Variants in DENND5A observed in about 807,000 individuals in gnomAD.
DENND5A encodes the protein DENN domain-containing protein 5A.
DENND5A carries 64 observed loss-of-function variants against 140.3 expected under a neutral mutation model. The observed-to-expected ratio is 0.46, with a 90% CI of 0.37 to 0.56. The LOEUF (loss-of-function observed/expected upper bound fraction) is 0.56. Ranked by LOEUF, DENND5A falls within the 20% of genes least tolerant of loss-of-function variation. The pLI is 0.00. For synonymous variants in DENND5A, 605 were observed against 607.7 expected, an observed-to-expected ratio of 1.00 and a Z score of 0.07; for missense variants, 1,292 against 1,593.8, an observed-to-expected ratio of 0.81 and a Z score of 3.22.
At chr11:9,207,676 T>C (rs373895300) in intron 1 of DENND5A, 44 bp from the exon 2 acceptor site, 2 of 1,390,774 alleles carry the variant, frequency 1.4e-6, no homozygotes, top group Non-Finnish European at 2.0e-6. Flanking sequence ...TAAAGCAGTG[T>C]TATTCAAACT....
chr11:9,140,076 GCCT>G, intron 22 of DENND5A: 2 of 1,218,958 alleles, frequency 1.6e-6, no homozygotes, highest in Non-Finnish European at 2.3e-6. Flanking sequence ...GAGCCTCCAA[GCCT>G]CCTCCTCCCC....
chr11:9,234,370 A>G (rs571279101), intron 1 of DENND5A, among the ~76,000 whole-genome samples: 2 of 152,240 alleles, frequency 1.3e-5, no homozygotes, highest in African/African-American at 4.8e-5. Flanking sequence ...CAGACAATTC[A>G]CAATACCAAT....
intron 1 of DENND5A, among the ~76,000 whole-genome samples, chr11:9,232,078 CAG>C (rs1850796135): frequency 6.6e-6 from 1 of 151,662 alleles, no homozygotes; most frequent in Non-Finnish European, 1.5e-5. Context: ...GTGTTAACAG[CAG>C]ACTGTTTAAG....
Position 9,145,012 on chromosome 11 carries a change from G to C in DENND5A, c.3105C>G (p.Ile1035Met). 6.2e-7 allele frequency: 1 copy of C among 1,612,772 alleles called. No homozygotes were observed. Among genetic ancestry groups the C allele is most frequent in the African/African-American group, 1.3e-5 (1 of 74,858 alleles). Residue 1035 changes from isoleucine (I) to methionine (M), a missense_variant, in exon 18 of 23, where the codon ATC becomes ATG. This residue lies in a region of DENND5A where 498 missense variants were observed against 689.7 expected (regional missense o/e 0.72). Coordinates refer to ENST00000328194, the MANE Select transcript of DENND5A (RefSeq NM_015213.4). ...LVEYVMVRNEITGHTYKFPCG... is the reference protein window; with the variant it reads ...LVEYVMVRNEMTGHTYKFPCG... Reference sequence around the variant, plus strand: ...ATACTTACTTGTAGGTATGTCCTGTGATCTCATTCCTGACCATCACATACT... The same window carrying C: ...ATACTTACTTGTAGGTATGTCCTGTCATCTCATTCCTGACCATCACATACT...
intron 1 of DENND5A, among the ~76,000 whole-genome samples, chr11:9,224,336 C>A (rs1010437412): frequency 6.6e-6 from 1 of 152,196 alleles, no homozygotes; most frequent in African/African-American, 2.4e-5. Context: ...ATCACTTTAT[C>A]TTCCTGGGCT....
intron 1 of DENND5A, among the ~76,000 whole-genome samples, chr11:9,232,141 T>A (rs1362902943): frequency 6.6e-6 from 1 of 151,824 alleles, no homozygotes; most frequent in South Asian, 2.1e-4. Flanking sequence ...GGTAAAAAAA[T>A]AAAGCCTTTA....
chr11:9,214,704 C>T (rs943266785), intron 1 of DENND5A, among the ~76,000 whole-genome samples: 3 of 152,098 alleles, frequency 2.0e-5, no homozygotes, highest in African/African-American at 7.2e-5. Context: ...CCCCCCAACC[C>T]CCACCCACAA....
chr11:9,151,905 A>G (rs191587526), intron 13 of DENND5A, among the ~76,000 whole-genome samples: 32 of 152,316 alleles, frequency 2.1e-4, no homozygotes, highest in Non-Finnish European at 3.2e-4. Flanking sequence ...TAGGTTAGAA[A>G]CAGAAAGGAA....
At chr11:9,207,251 C>T (rs953423415) in intron 2 of DENND5A, 27 of 476,274 alleles carry the variant, frequency 5.7e-5, no homozygotes, top group South Asian at 6.0e-5. Flanking sequence ...AGAACATTAA[C>T]GAAGCAGATT....
rs187600485 is a variant in DENND5A at position 9,162,108 on chromosome 11, A to C, written c.2284-1243T>G. On this transcript the variant is annotated intron_variant, in intron 11 of 22. Transcript: ENST00000328194. ...ACAAATCACCCCAATCCTACTTTTC[A>C]GAAGCAACAACTCTTAATATTTTGG... Among the ~76,000 whole-genome samples the C allele has an allele frequency of 2.1e-4, 32 of 151,566 alleles. 1 individual carries two copies. The East Asian group carries it at 6.0e-3, about 28-fold the overall frequency.
rs373053218 is a variant in DENND5A at position 9,142,704 on chromosome 11, T to C, written c.3511+18A>G. On this transcript the variant is annotated intron_variant, in intron 21 of 22. Transcript: ENST00000328194. ...TCTCTACATGCTTCTCCCACCCTCA[T>C]ACTCCAGCTCAACTCACCCAGGAAA... is the stretch of plus-strand genomic sequence containing the variant. 6.2e-7 allele frequency: 1 copy of C among 1,614,016 alleles called. No individual in the cohort carries two copies. The highest frequency in any genetic ancestry group is 2.2e-5 in the East Asian group (1 of 44,870).
chr11:9,145,228 G>T, intron 17 of DENND5A, 115 bp from the exon 18 acceptor site: 1 of 767,434 alleles, frequency 1.3e-6, no homozygotes, highest in East Asian at 2.5e-5. Flanking sequence ...GCATCTGCAG[G>T]CTTAGAGGTC....
intron 18 of DENND5A, 63 bp from the exon 19 acceptor site, chr11:9,144,341 C>G: frequency 6.5e-7 from 1 of 1,549,782 alleles, no homozygotes; most frequent in South Asian, 1.1e-5. Flanking sequence ...CAGGAAGAGC[C>G]ATCAACAAAG....
intron 13 of DENND5A, 128 bp from the exon 14 acceptor site, chr11:9,150,892 T>A (rs1250483569): frequency 8.3e-6 from 4 of 483,158 alleles, no homozygotes; most frequent in Non-Finnish European, 1.5e-5. Context: ...TTTAATTGAT[T>A]GTTTCATAAA....
chr11:9,139,985 C>A (rs1228192909), intron 22 of DENND5A, 131 bp from the exon 23 acceptor site: 1 of 1,038,350 alleles, frequency 9.6e-7, no homozygotes, highest in South Asian at 1.6e-5. Context: ...CCCCACACCC[C>A]CCTTTCCCAA....
intron 11 of DENND5A, among the ~76,000 whole-genome samples, chr11:9,164,734 T>C (rs1590223055): frequency 6.6e-6 from 1 of 152,310 alleles, no homozygotes; most frequent in Non-Finnish European, 1.5e-5. Flanking sequence ...ATATAAGATA[T>C]CATTGCTATC....
At position 9,195,421 on chromosome 11, in the gene DENND5A, A is replaced by G. The variant is rs75439230; in HGVS notation, c.950-1740T>C. Among the ~76,000 whole-genome samples, 484 of 152,274 alleles carry G rather than the reference A, an allele frequency of 3.2e-3. 2 individuals are homozygous for G. Among genetic ancestry groups the G allele is most frequent in the African/African-American group, 0.011 (462 of 41,546 alleles). ...TTACTATTTGTAATGATATGATGATATGATGGTTTCAGGCATTTAAGGACA... is the reference window on the plus strand; with the variant it reads ...TTACTATTTGTAATGATATGATGATGTGATGGTTTCAGGCATTTAAGGACA... On this transcript the variant is annotated intron_variant, in intron 4 of 22. Transcript: ENST00000328194.
At chr11:9,143,035 G>T in intron 20 of DENND5A, 190 bp from the exon 21 acceptor site, 1 of 661,012 alleles carries the variant, frequency 1.5e-6, no homozygotes. Context: ...CTGAATAAAT[G>T]GATGAAAGAA....
intron 13 of DENND5A, 21 bp from the exon 14 acceptor site, chr11:9,150,785 A>G (rs1196706692): frequency 2.6e-6 from 4 of 1,539,336 alleles, no homozygotes; most frequent in Non-Finnish European, 3.6e-6. Context: ...CAAGTTGGTC[A>G]TGTCCAAAGA....
Sources: gnomAD v4.1 joint callset for allele counts (sites outside exome capture counted in the v4.1 genomes callset) on GRCh38, gnomAD v4.1.1 for gene constraint, gnomAD v4.1.1 regional missense constraint, MANE v1.5 for transcripts, NCBI Gene and HGNC (gene_info 2026-07-23, HGNC 2026-07-21) for gene names.